PACRG: variants seen among roughly 807,000 people sequenced by gnomAD.
PACRG encodes the protein parkin coregulated.
In PACRG, 29 loss-of-function variants were observed where a neutral mutation model predicts 29.7. That is an observed-to-expected ratio of 0.98 (90% CI 0.73 to 1.33). The LOEUF (loss-of-function observed/expected upper bound fraction) is 1.33. Among genes scored for constraint, PACRG ranks in the 40% most tolerant of loss-of-function variants. The pLI, the probability that PACRG is intolerant of heterozygous loss-of-function variation, is 0.00. For missense variants in PACRG, 279 were observed against 316.2 expected, an observed-to-expected ratio of 0.88 and a Z score of 0.89; for synonymous variants, 116 against 118.7, an observed-to-expected ratio of 0.98 and a Z score of 0.15.
rs150972042 is a variant in PACRG, at chr6:162,981,290, C to CATATATATATAT, written c.292-80855_292-80844dup. On this transcript the variant is annotated intron_variant, in intron 2 of 4. Coordinates refer to ENST00000366888, the MANE Select transcript of PACRG (RefSeq NM_001080379.2). ...TATTTATATATTTTTATGTATAAAA[C>CATATATATATAT]ATATATATATATATATTTACAATGG... Among the ~76,000 whole-genome samples the CATATATATATAT allele has an allele frequency of 6.6e-4, 92 of 139,500 alleles. 1 individual carries two copies. The highest frequency in any genetic ancestry group is 2.6e-3 in the African/African-American group (90 of 34,598). The allele number at this position is 139,500 out of a possible 152,430, so 91.5% of individuals were successfully genotyped here. A position where few individuals can be genotyped will look rare whatever the true frequency, so the allele number is the denominator to read the frequency against.
chr6:163,266,189 T>C (rs1380467922), intron 4 of PACRG, among the ~76,000 whole-genome samples: 1 of 152,248 alleles, frequency 6.6e-6, no homozygotes, highest in Non-Finnish European at 1.5e-5. Context: ...ACAAACTTTG[T>C]GAATGGGAAG....
chr6:162,926,814 T>C lies in PACRG; in HGVS notation c.291+112533T>C, dbSNP rs1797473604. ...GCAAAAATTAGCAAATGGAATCTAA[T>C]TAAACTAAAGAGCTTCTGCACAGCA... On this transcript the variant is annotated intron_variant, in intron 2 of 4. Transcript: ENST00000366888. Among the ~76,000 whole-genome samples, 2 of 152,096 alleles carry C rather than the reference T, an allele frequency of 1.3e-5. 1 individual carries two copies. The highest frequency in any genetic ancestry group is 4.1e-4 in the South Asian group (2 of 4,832).
chr6:162,984,779 A>G (rs542782525), intron 2 of PACRG, among the ~76,000 whole-genome samples: 1 of 150,428 alleles, frequency 6.6e-6, no homozygotes, highest in Admixed American at 6.6e-5. Flanking sequence ...GCAATTTTTC[A>G]TATGCTTGGT....
chr6:163,017,902 T>G (rs1806253251), intron 2 of PACRG, among the ~76,000 whole-genome samples: 1 of 152,156 alleles, frequency 6.6e-6, no homozygotes, highest in Non-Finnish European at 1.5e-5. Context: ...CATTTTTATG[T>G]GACACTGTAT....
At chr6:163,226,297 C>T (rs749445410) in intron 4 of PACRG, among the ~76,000 whole-genome samples, 8 of 152,074 alleles carry the variant, frequency 5.3e-5, no homozygotes, top group African/African-American at 9.7e-5. Context: ...AGTCTGGTGA[C>T]GCTGGTTAAT....
intron 2 of PACRG, among the ~76,000 whole-genome samples, chr6:162,870,841 A>G (rs913135305): frequency 6.6e-6 from 1 of 152,212 alleles, no homozygotes; most frequent in African/African-American, 2.4e-5. Flanking sequence ...TCACAAAAAT[A>G]GCTGCGTTGA....
chr6:162,990,525 A>G (rs1460895984), intron 2 of PACRG, among the ~76,000 whole-genome samples: 2 of 132,648 alleles, frequency 1.5e-5, no homozygotes, highest in African/African-American at 6.4e-5. Context: ...TTTTGGCTGC[A>G]TAAATGTCTT....
At chr6:163,210,583 G>A (rs1355628927) in intron 4 of PACRG, among the ~76,000 whole-genome samples, 2 of 152,256 alleles carry the variant, frequency 1.3e-5, no homozygotes, top group Non-Finnish European at 2.9e-5. Context: ...GCACATGGAT[G>A]ATATCTACTG....
chr6:162,955,364 G>A (rs993467643), intron 2 of PACRG, among the ~76,000 whole-genome samples: 25 of 151,954 alleles, frequency 1.6e-4, no homozygotes, highest in African/African-American at 5.8e-4. Flanking sequence ...CAGTGGTGTG[G>A]TCTTGGCTCA....
chr6:163,245,199 A>G (rs1782647182), intron 4 of PACRG: 1 of 284,930 alleles, frequency 3.5e-6, no homozygotes, highest in African/African-American at 2.2e-5. Flanking sequence ...TTCTACGTAC[A>G]TTTAGTAATA....
chr6:162,865,759 C>T (rs1470414418), intron 2 of PACRG, among the ~76,000 whole-genome samples: 2 of 152,114 alleles, frequency 1.3e-5, no homozygotes, highest in Non-Finnish European at 2.9e-5. Context: ...TTAACTGGAA[C>T]ATAGCTAAAT....
intron 4 of PACRG, among the ~76,000 whole-genome samples, chr6:163,231,544 A>G (rs775436195): frequency 3.3e-5 from 5 of 152,132 alleles, no homozygotes; most frequent in Non-Finnish European, 7.4e-5. Context: ...ATGGATCAGC[A>G]ACTTTGCAGG....
At chr6:162,967,683 A>AT (rs1446671084) in intron 2 of PACRG, among the ~76,000 whole-genome samples, 15 of 151,746 alleles carry the variant, frequency 9.9e-5, no homozygotes, top group African/African-American at 3.6e-4. Context: ...ATTTTTTTGT[A>AT]TTTTTTGTAG....
At chr6:162,780,949 G>T (rs1784049821) in intron 1 of PACRG, among the ~76,000 whole-genome samples, 1 of 152,008 alleles carries the variant, frequency 6.6e-6, no homozygotes, top group African/African-American at 2.4e-5. Flanking sequence ...CACTGAATGA[G>T]AGAGGAGTGG....
Position 162,728,164 on chromosome 6 carries a change from C to CCGGCTCACAT in PACRG, c.-71_-70insGGCTCACATC. On this transcript the variant is annotated 5_prime_UTR_variant, in exon 1 of 5. Coordinates refer to ENST00000366888, the MANE Select transcript of PACRG (RefSeq NM_001080379.2). Reference sequence around the variant, plus strand: ...CCTTTTGATATTTTTTTCCAGACCTCCTGCTCACATCCGTAAAGCCCACTG... The same window carrying CCGGCTCACAT: ...CCTTTTGATATTTTTTTCCAGACCTCCGGCTCACATCTGCTCACATCCGTAAAGCCCACTG... 1 of 1,545,550 alleles carries CCGGCTCACAT rather than the reference C, an allele frequency of 6.5e-7. No individual in the cohort carries two copies. The highest frequency in any genetic ancestry group is 1.2e-5 in the South Asian group (1 of 84,642).
intron 4 of PACRG, among the ~76,000 whole-genome samples, chr6:163,299,008 T>C (rs1303977871): frequency 6.6e-6 from 1 of 152,184 alleles, no homozygotes; most frequent in Non-Finnish European, 1.5e-5. Flanking sequence ...GACTTCTCAC[T>C]CTGAAGTACT....
At chr6:163,166,910 T>C (rs1386297508) in intron 4 of PACRG, among the ~76,000 whole-genome samples, 5 of 152,254 alleles carry the variant, frequency 3.3e-5, no homozygotes, top group Admixed American at 6.5e-5. Context: ...TGTCCTTTAC[T>C]GAATTCCAAG....
chr6:163,261,482 C>A (rs539630965), intron 4 of PACRG, among the ~76,000 whole-genome samples: 5 of 152,232 alleles, frequency 3.3e-5, no homozygotes, highest in Middle Eastern at 3.4e-3. Flanking sequence ...ACCCTCTTTG[C>A]TGGCCTCCCA....
intron 2 of PACRG, among the ~76,000 whole-genome samples, chr6:162,934,728 C>G (rs1473172723): frequency 6.6e-6 from 1 of 152,010 alleles, no homozygotes; most frequent in Non-Finnish European, 1.5e-5. Flanking sequence ...TGGCTCCTAT[C>G]TCTTTCTCAT....
Sources: gnomAD v4.1 joint callset for allele counts (sites outside exome capture counted in the v4.1 genomes callset) on GRCh38, gnomAD v4.1.1 for gene constraint, MANE v1.5 for transcripts, NCBI Gene and HGNC (gene_info 2026-07-23, HGNC 2026-07-21) for gene names.